GYG2: variants seen among roughly 807,000 people sequenced by gnomAD.
The protein encoded by GYG2 is glycogenin-2.
In GYG2, 29 loss-of-function variants were observed where a neutral mutation model predicts 29.4. The ratio of observed to expected loss-of-function variants is 0.99; its 90% CI spans 0.74 to 1.35. GYG2 has a LOEUF of 1.35. Ranked by LOEUF, GYG2 falls within the 40% of genes most tolerant of loss-of-function variation. The pLI is 0.00. For missense variants in GYG2, 370 were observed against 385.7 expected, an observed-to-expected ratio of 0.96 and a Z score of 0.34; for synonymous variants, 167 against 172.3, an observed-to-expected ratio of 0.97 and a Z score of 0.24.
At chrX:2,874,203 G>A (rs1227740622) in intron 8 of GYG2, among the ~76,000 whole-genome samples, 2 of 112,715 alleles carry the variant, frequency 1.8e-5, no homozygotes, top group African/African-American at 6.4e-5. Context: ...ACATCTTAAA[G>A]TTTCAGTAAA....
At chrX:2,879,832 CATAG>C (rs760414373) in intron 10 of GYG2, among the ~76,000 whole-genome samples, 48 of 109,592 alleles carry the variant, frequency 4.4e-4, no homozygotes, top group Non-Finnish European at 3.4e-4. Flanking sequence ...AGGTAGAGAT[CATAG>C]ATAGATAAAT....
chrX:2,850,466 C>T (rs2087843849), intron 3 of GYG2, among the ~76,000 whole-genome samples: 1 of 111,425 alleles, frequency 9.0e-6, no homozygotes, highest in East Asian at 2.8e-4. Context: ...ATGGGAAATG[C>T]GTGGATTGAA....
chrX:2,857,678 GTA>G (rs2088052174), intron 6 of GYG2, among the ~76,000 whole-genome samples: 1 of 110,009 alleles, frequency 9.1e-6, no homozygotes. Context: ...CTTTATATAT[GTA>G]TATACACACA....
At position 2,881,225 on chromosome X, in the gene GYG2, G is replaced by A. The variant is rs1467922837; in HGVS notation, c.*12G>A. 8.6e-7 allele frequency: 1 copy of A among 1,159,386 alleles called. No homozygotes were observed. Among genetic ancestry groups the A allele is most frequent in the Non-Finnish European group, 1.2e-6 (1 of 866,558 alleles). ...GGTTCCTGCAGTAATCCGGCAGCTGGTGGGCGTTGTGTGTAGTTAGACAAT... is the reference window on the plus strand; with the variant it reads ...GGTTCCTGCAGTAATCCGGCAGCTGATGGGCGTTGTGTGTAGTTAGACAAT... On this transcript the variant is annotated 3_prime_UTR_variant, in exon 11 of 11. Transcript: ENST00000398806.
chrX:2,835,171 G>T (rs752749961), intron 2 of GYG2, among the ~76,000 whole-genome samples: 59 of 111,998 alleles, frequency 5.3e-4, no homozygotes, highest in South Asian at 2.3e-3. Context: ...ATCAATAGAA[G>T]AGAATGTCTG....
At chrX:2,855,868 T>C (rs1411452054) in intron 5 of GYG2, among the ~76,000 whole-genome samples, 1 of 111,988 alleles carries the variant, frequency 8.9e-6, no homozygotes, top group East Asian at 2.8e-4. Flanking sequence ...AAGCCTACAG[T>C]GAGCTATGAT....
intron 8 of GYG2, among the ~76,000 whole-genome samples, chrX:2,874,097 A>AAAATAAATAAAT (rs200188233): frequency 2.7e-5 from 3 of 109,986 alleles, no homozygotes; most frequent in East Asian, 2.8e-4. Context: ...AAAATAAAAT[A>AAAATAAATAAAT]AAATAAATAA....
At chrX:2,829,578 G>C (rs1372250809) in intron 1 of GYG2, among the ~76,000 whole-genome samples, 1 of 99,236 alleles carries the variant, frequency 1.0e-5, no homozygotes, top group African/African-American at 3.8e-5. Context: ...CGAGGGAGGG[G>C]GCACCTGGCC....
At chrX:2,831,503 T>C (rs1210138023) in intron 2 of GYG2, among the ~76,000 whole-genome samples, 1 of 111,973 alleles carries the variant, frequency 8.9e-6, no homozygotes, top group East Asian at 2.8e-4. Flanking sequence ...GGCAGGGATC[T>C]TAAGGGCTGT....
intron 8 of GYG2, among the ~76,000 whole-genome samples, chrX:2,862,856 C>T (rs1384753043): frequency 4.6e-5 from 5 of 108,273 alleles, no homozygotes; most frequent in East Asian, 2.9e-4. Flanking sequence ...CCCAGGAGTA[C>T]GAGACCAGCC....
At chrX:2,842,948 G>A (rs1467051548) in intron 2 of GYG2, 2 of 371,624 alleles carry the variant, frequency 5.4e-6, no homozygotes, top group African/African-American at 2.6e-5. Flanking sequence ...CCGAGTAGCT[G>A]TAACTGCAGG....
intron 8 of GYG2, among the ~76,000 whole-genome samples, chrX:2,868,815 T>C (rs755490124): frequency 4.0e-4 from 45 of 111,202 alleles, no homozygotes; most frequent in African/African-American, 1.4e-3. Context: ...CCTGCACACG[T>C]ATCCCAGAAT....
chrX:2,881,282 C>G lies in GYG2; in HGVS notation c.*69C>G. On this transcript the variant is annotated 3_prime_UTR_variant, in exon 11 of 11. Transcript: ENST00000398806. The stretch of plus-strand genomic sequence containing the variant: ...TTGGGTGGTCCTGTTGCGTGGAGAT[C>G]TCCTCTGGTCCTTTCAAAGGGAAAC... The G allele has an allele frequency of 1.1e-6, 1 of 888,518 alleles. No individual in the cohort carries two copies. Among genetic ancestry groups the G allele is most frequent in the South Asian group, 2.6e-5 (1 of 38,497 alleles). The allele number at this position is 888,518 out of a possible 1,213,427, so 73.2% of individuals were successfully genotyped here.
At chrX:2,876,030 TC>T (rs1279585961) in intron 9 of GYG2, 116 bp downstream of exon 9, 27 of 159,014 alleles carry the variant, frequency 1.7e-4, no homozygotes, top group African/African-American at 9.9e-4. Context: ...TAAAAATTCC[TC>T]CCTTTTTTTT....
chrX:2,866,209 G>A (rs1723141612), intron 8 of GYG2, among the ~76,000 whole-genome samples: 1 of 112,016 alleles, frequency 8.9e-6, no homozygotes, highest in African/African-American at 3.2e-5. Context: ...GAAGTGAAAA[G>A]TAAGGCCAGG....
chrX:2,841,574 C>G (rs11152548), intron 2 of GYG2, among the ~76,000 whole-genome samples: 36,775 of 110,476 alleles, frequency 0.33, 4,457 homozygotes, highest in South Asian at 0.44. Context: ...GTTCTTTCTT[C>G]GTTCAAGGGT....
intron 3 of GYG2, among the ~76,000 whole-genome samples, chrX:2,851,821 T>G (rs1438153430): frequency 8.9e-6 from 1 of 112,266 alleles, no homozygotes; most frequent in Admixed American, 9.5e-5. Flanking sequence ...TAAAAATCAG[T>G]GAGTCTTGTC....
At chrX:2,866,352 T>C (rs1201421650) in intron 8 of GYG2, among the ~76,000 whole-genome samples, 1 of 111,155 alleles carries the variant, frequency 9.0e-6, no homozygotes, top group Non-Finnish European at 1.9e-5. Flanking sequence ...AAAAATTAGC[T>C]GGGTGTGCGG....
chrX:2,866,825 A>AT (rs751376982), intron 8 of GYG2, among the ~76,000 whole-genome samples: 12,638 of 63,404 alleles, frequency 0.2, 1,952 homozygotes, highest in African/African-American at 0.49. Flanking sequence ...TAAAAAGTAA[A>AT]TTTTTTTTTT....
Sources: allele counts gnomAD v4.1 joint callset (sites outside exome capture counted in the v4.1 genomes callset), GRCh38; gene constraint gnomAD v4.1.1; transcripts MANE v1.5; gene names NCBI Gene and HGNC (gene_info 2026-07-23, HGNC 2026-07-21).